FLT4: variants seen among roughly 807,000 people sequenced by gnomAD.
The protein encoded by FLT4 is vascular endothelial growth factor receptor 3.
Under a neutral mutation model 163.2 loss-of-function variants are expected in FLT4, and 30 were observed. The observed-to-expected ratio is 0.18, with a 90% CI of 0.14 to 0.25. The LOEUF (loss-of-function observed/expected upper bound fraction) is 0.25, where lower values mean the gene tolerates loss of function less well. FLT4 is among the 10% of genes least tolerant of loss of function. FLT4 has a pLI of 1.00. For missense variants in FLT4, 1,510 were observed against 1,863.8 expected (o/e 0.81, Z 3.50); for synonymous variants, 884 against 789.5 (o/e 1.12, Z -2.01).
chr5:180,633,916 G>A (rs1430693013), intron 1 of FLT4, among the ~76,000 whole-genome samples: 2 of 152,186 alleles, frequency 1.3e-5, no homozygotes, highest in Non-Finnish European at 2.9e-5. Context: ...CACCCCTACT[G>A]AGGTCTGGAG....
At chr5:180,631,592 A>AG in intron 2 of FLT4, 90 bp downstream of exon 2, 1 of 1,038,854 alleles carries the variant, frequency 9.6e-7, no homozygotes, top group Non-Finnish European at 1.5e-6. Flanking sequence ...CTGCCCTGGG[A>AG]GGGGGCTGCC....
chr5:180,609,857 C>T (rs747059125), intron 28 of FLT4, 48 bp downstream of exon 28: 1 of 1,611,610 alleles, frequency 6.2e-7, no homozygotes, highest in South Asian at 1.1e-5. Context: ...CCTGAGGCGG[C>T]CCCAGCCCTG....
chr5:180,629,859 C>T (rs1262853677), intron 5 of FLT4, 24 bp from the exon 6 acceptor site: 2 of 1,612,480 alleles, frequency 1.2e-6, no homozygotes, highest in African/African-American at 1.3e-5. Context: ...CACAGTGACT[C>T]CCACGCCCTC....
rs1425090483 is a variant in FLT4, at chr5:180,611,350, G to A, written c.3667C>T (p.Arg1223Cys). 5 of 1,613,754 alleles carry A rather than the reference G, an allele frequency of 3.1e-6. No individual in the cohort carries two copies. The highest frequency in any genetic ancestry group is 1.1e-5 in the South Asian group (1 of 91,090). Residue 1223 changes from arginine (R) to cysteine (C), a missense_variant, in exon 27 of 30, where the codon CGC becomes TGC. Coordinates refer to ENST00000261937, the MANE Select transcript of FLT4 (RefSeq NM_182925.5). The stretch of plus-strand genomic sequence containing the variant: ...GCTGACCTGGCGGCCAGGCTGTGGC[G>A]CTGCAGGCTTGGCGGGCTGTCCTCA... ...DAEDSPPSLQ[R>C]HSLAARYYNW...
chr5:180,616,096 C>T (rs112873199), intron 23 of FLT4, among the ~76,000 whole-genome samples: 205 of 17,314 alleles, frequency 0.012, no homozygotes, highest in Admixed American at 0.021. Context: ...CTGGGCCTGC[C>T]GGTCACCTCC....
chr5:180,621,511 G>C lies in FLT4; in HGVS notation c.2020+31C>G, dbSNP rs777724867. ...GAGGCAGCTACTGCTAGAAGAGAGCGCGTCCCCGCCCTCCCCGCGGCCAGC... is the reference window on the plus strand; with the variant it reads ...GAGGCAGCTACTGCTAGAAGAGAGCCCGTCCCCGCCCTCCCCGCGGCCAGC... On this transcript the variant is annotated intron_variant, in intron 13 of 29. Coordinates refer to ENST00000261937, the MANE Select transcript of FLT4 (RefSeq NM_182925.5). 4 of 1,607,678 alleles carry C rather than the reference G, an allele frequency of 2.5e-6. No individual in the cohort carries two copies. In the East Asian group the frequency reaches 8.9e-5, roughly 36 times the overall value.
intron 1 of FLT4, among the ~76,000 whole-genome samples, chr5:180,641,703 C>T (rs781306600): frequency 3.3e-5 from 5 of 152,210 alleles, no homozygotes; most frequent in Admixed American, 3.3e-4. Flanking sequence ...CCTGTGCCTT[C>T]AGAGCTTAAG....
At chr5:180,637,064 C>T (rs1346448462) in intron 1 of FLT4, among the ~76,000 whole-genome samples, 1 of 152,136 alleles carries the variant, frequency 6.6e-6, no homozygotes, top group African/African-American at 2.4e-5. Flanking sequence ...GAGACAGAAA[C>T]ACCCCACTGG....
In FLT4 at chr5:180,620,797, A is replaced by G; in HGVS notation, c.2299+79T>C. Reference sequence around the variant, plus strand: ...GCAGGCAGCACCCCTTCTGGTGGCCACGACTTGCCCAAGGTGGCCACAAGA... The same window carrying G: ...GCAGGCAGCACCCCTTCTGGTGGCCGCGACTTGCCCAAGGTGGCCACAAGA... On this transcript the variant is annotated intron_variant, in intron 15 of 29. Transcript: ENST00000261937. This position sits in a 1 kb window ranked among gnomAD's most constrained non-coding sequence, Gnocchi z 4.4. The G allele has an allele frequency of 6.2e-7, 1 of 1,605,578 alleles. No individual in the cohort carries two copies. The highest frequency in any genetic ancestry group is 8.5e-7 in the Non-Finnish European group (1 of 1,175,430).
intron 20 of FLT4, 38 bp downstream of exon 20, chr5:180,618,983 C>A (rs762542132): frequency 2.6e-6 from 4 of 1,550,074 alleles, no homozygotes; most frequent in Non-Finnish European, 2.6e-6. Context: ...GCCTCCATTC[C>A]CCCGCCGCCC....
intron 21 of FLT4, 132 bp from the exon 22 acceptor site, chr5:180,617,126 T>G (rs1206090757): frequency 9.9e-6 from 7 of 707,276 alleles, no homozygotes; most frequent in Non-Finnish European, 1.5e-5. Context: ...CACATCCTAC[T>G]CCAGAGCACC....
rs1294112102 is a variant in FLT4, at chr5:180,630,091, C to T, written c.528G>A (p.Leu176=). 2 of 1,612,784 alleles carry T rather than the reference C, an allele frequency of 1.2e-6. No individual in the cohort carries two copies. The highest frequency in any genetic ancestry group is 1.6e-4 in the Middle Eastern group (1 of 6,062). Residue 176 remains leucine, a synonymous_variant, in exon 5 of 30, where the codon CTG becomes CTA. Transcript: ENST00000261937. The surrounding 1 kb of genome is among the most constrained non-coding windows in gnomAD (Gnocchi z 6.3). ...NVTLRSQSSV[L]WPDGQEVVWD... ...ACACCACCTCCTGCCCGTCTGGCCACAGCACCGAGCTTTGCTGGAGGGACA... is the reference window on the plus strand; with the variant it reads ...ACACCACCTCCTGCCCGTCTGGCCATAGCACCGAGCTTTGCTGGAGGGACA...
intron 24 of FLT4, chr5:180,613,386 G>GAC (rs1762361958): frequency 2.3e-6 from 1 of 432,978 alleles, no homozygotes; most frequent in African/African-American, 2.0e-5. Flanking sequence ...CGACACGGTA[G>GAC]ACATCATGGT....
At chr5:180,614,381 AG>A (rs1470369246) in intron 23 of FLT4, among the ~76,000 whole-genome samples, 1 of 151,968 alleles carries the variant, frequency 6.6e-6, no homozygotes. Context: ...CCTGGGTTGA[AG>A]GTATCTCCCT....
chr5:180,604,764 T>C (rs1019868363), intron 29 of FLT4, among the ~76,000 whole-genome samples: 1 of 152,346 alleles, frequency 6.6e-6, no homozygotes, highest in East Asian at 1.9e-4. Context: ...AAATATTAGT[T>C]CTTTTACTGT....
chr5:180,619,595 T>G, intron 18 of FLT4, 70 bp downstream of exon 18: 1 of 1,266,318 alleles, frequency 7.9e-7, no homozygotes, highest in Non-Finnish European at 1.2e-6. Context: ...CGAGTTGCCG[T>G]CCCACCGGCC....
rs993890500 is a variant in FLT4, at chr5:180,636,846, G to C, written c.59-5068C>G. Among the ~76,000 whole-genome samples, 1 of 151,282 alleles carries C rather than the reference G, an allele frequency of 6.6e-6. No individual in the cohort carries two copies. Among genetic ancestry groups the C allele is most frequent in the Non-Finnish European group, 1.5e-5 (1 of 67,908 alleles). ...CTTGGTGCCCTCCCGGTGCTGCCCC[G>C]TCCTGGTGCGTGGGGTCCGCAGCCG... On this transcript the variant is annotated intron_variant, in intron 1 of 29. Transcript: ENST00000261937. The surrounding 1 kb of genome is among the most constrained non-coding windows in gnomAD (Gnocchi z 4.3).
At chr5:180,613,958 C>G (rs940251705) in intron 24 of FLT4, 110 bp downstream of exon 24, 4 of 814,260 alleles carry the variant, frequency 4.9e-6, no homozygotes, top group Non-Finnish European at 8.6e-6. Context: ...TCAGAACGAC[C>G]TGGCACACAC....
In FLT4 at chr5:180,621,166, C is replaced by T. The variant is rs1369049878; in HGVS notation, c.2107G>A (p.Gly703Arg). The stretch of plus-strand genomic sequence containing the variant: ...CACACGATGCTGGGCGCGTGCGCTC[C>T]GGCCACCAAGCACTGCATCTCCAGC... ...DSLEMQCLVA[G>R]AHAPSIVWYK... Residue 703 changes from glycine (G) to arginine (R), a missense_variant, in exon 14 of 30, where the codon GGA (glycine) becomes AGA (arginine). This residue lies in a region of FLT4 where 878 missense variants were observed against 1,016.7 expected (regional missense o/e 0.86). Coordinates refer to ENST00000261937, the MANE Select transcript of FLT4 (RefSeq NM_182925.5). 6.2e-7 allele frequency: 1 copy of T among 1,612,828 alleles called. No individual in the cohort carries two copies. The highest frequency in any genetic ancestry group is 1.1e-5 in the South Asian group (1 of 91,088).
Sources: allele counts gnomAD v4.1 joint callset (sites outside exome capture counted in the v4.1 genomes callset), GRCh38; gene constraint gnomAD v4.1.1; regional missense constraint gnomAD v4.1.1; non-coding constraint Gnocchi (gnomAD v3.1); transcripts MANE v1.5; gene names NCBI Gene and HGNC (gene_info 2026-07-23, HGNC 2026-07-21).